The following RPS6KA3 variants were observed in gnomAD, a reference collection of about 807,000 sequenced individuals.
RPS6KA3 encodes ribosomal protein S6 kinase A3.
Under a neutral mutation model 67.2 loss-of-function variants are expected in RPS6KA3, and 4 were observed. The ratio of observed to expected loss-of-function variants is 0.06; its 90% CI spans 0.03 to 0.14. The LOEUF is 0.14. RPS6KA3 is among the 10% of genes least tolerant of loss of function. The pLI is 1.00. For synonymous variants in RPS6KA3, 182 were observed against 183.7 expected (o/e 0.99, Z 0.07); for missense variants, 204 against 559.0 (o/e 0.36, Z 6.40).
chrX:20,177,848 G>A (rs770898478), intron 10 of RPS6KA3, among the ~76,000 whole-genome samples: 2 of 112,389 alleles, frequency 1.8e-5, no homozygotes, highest in South Asian at 7.3e-4. Context: ...CTGAAGGGAA[G>A]GGGAACTGTG....
At chrX:20,196,623 C>A (rs1321640889) in intron 4 of RPS6KA3, among the ~76,000 whole-genome samples, 3 of 111,162 alleles carry the variant, frequency 2.7e-5, no homozygotes, top group Non-Finnish European at 5.7e-5. Flanking sequence ...CTAAAAAATG[C>A]CCTATTTTTT....
intron 2 of RPS6KA3, among the ~76,000 whole-genome samples, chrX:20,226,252 A>C (rs1253343386): frequency 1.8e-5 from 2 of 112,038 alleles, no homozygotes; most frequent in African/African-American, 3.2e-5. Context: ...GCAAATAACA[A>C]AGGGCAAAAG....
chrX:20,252,303 G>A (rs1291733649), intron 1 of RPS6KA3, among the ~76,000 whole-genome samples: 2 of 111,975 alleles, frequency 1.8e-5, no homozygotes, highest in Admixed American at 1.9e-4. Flanking sequence ...GATGATGTGT[G>A]TTGACTGTCT....
At chrX:20,192,504 G>T (rs960388673) in intron 7 of RPS6KA3, among the ~76,000 whole-genome samples, 2 of 104,967 alleles carry the variant, frequency 1.9e-5, no homozygotes, top group African/African-American at 6.9e-5. Context: ...CACAAAAGAA[G>T]ATTGGTAGAT....
Position 20,172,844 on chromosome X carries a change from T to C in RPS6KA3, c.1255A>G (p.Thr419Ala). 6 of 1,205,037 alleles carry C rather than the reference T, an allele frequency of 5.0e-6. No homozygotes were observed. Among genetic ancestry groups the C allele is most frequent in the Non-Finnish European group, 6.7e-6 (6 of 889,343 alleles). ...QQLHRNSIQF[T>A]DGYEVKEDIG... ...TCTTCTTTTACTTCATATCCATCAG[T>C]AAACTGAATACTGTTCCTGTGTAAC... The change falls in exon 15 of 22, where the codon ACT becomes GCT. Residue 419 changes from threonine to alanine, a missense_variant. Thr to Ala is a moderately conservative substitution (Grantham distance 58). Coordinates refer to ENST00000379565, the MANE Select transcript of RPS6KA3 (RefSeq NM_004586.3).
intron 10 of RPS6KA3, among the ~76,000 whole-genome samples, chrX:20,184,038 T>C (rs929584668): frequency 8.9e-6 from 1 of 112,380 alleles, no homozygotes; most frequent in Non-Finnish European, 1.9e-5. Flanking sequence ...CAATTAACTT[T>C]CCTTTTACTT....
intron 1 of RPS6KA3, among the ~76,000 whole-genome samples, chrX:20,254,032 T>G (rs755071921): frequency 8.9e-6 from 1 of 111,913 alleles, no homozygotes; most frequent in African/African-American, 3.2e-5. Flanking sequence ...GATTACTTAA[T>G]ATGAACATCC....
At chrX:20,161,436 A>C (rs775376725) in intron 20 of RPS6KA3, among the ~76,000 whole-genome samples, 19 of 112,225 alleles carry the variant, frequency 1.7e-4, no homozygotes, top group Non-Finnish European at 3.4e-4. Context: ...AGTGAGAAAC[A>C]GTTTTAAAAG....
At chrX:20,212,717 C>T (rs751529442) in intron 2 of RPS6KA3, among the ~76,000 whole-genome samples, 1 of 110,104 alleles carries the variant, frequency 9.1e-6, no homozygotes, top group African/African-American at 3.3e-5. Flanking sequence ...CCAGCCTGGG[C>T]AGCAGAGCAA....
chrX:20,202,999 C>T (rs1015770986), intron 4 of RPS6KA3, among the ~76,000 whole-genome samples: 3 of 111,605 alleles, frequency 2.7e-5, no homozygotes, highest in African/African-American at 9.8e-5. Flanking sequence ...TGGAAGCAAA[C>T]GACAGTGTTT....
chrX:20,188,068 G>GT (rs909778469), intron 8 of RPS6KA3, 98 bp from the exon 9 acceptor site: 56 of 802,422 alleles, frequency 7.0e-5, no homozygotes, highest in Middle Eastern at 7.8e-4. Flanking sequence ...TCTAATACAA[G>GT]TTTTTTTTGT....
At chrX:20,227,683 T>C (rs2148771155) in intron 2 of RPS6KA3, among the ~76,000 whole-genome samples, 1 of 109,173 alleles carries the variant, frequency 9.2e-6, no homozygotes, top group African/African-American at 3.4e-5. Flanking sequence ...TTTGGAAAAT[T>C]GCTTTTTTTT....
chrX:20,262,904 T>A (rs1479853659), intron 1 of RPS6KA3, among the ~76,000 whole-genome samples: 1 of 111,798 alleles, frequency 8.9e-6, no homozygotes, highest in Non-Finnish European at 1.9e-5. Context: ...TACTATAGAA[T>A]ACTACATAAT....
At chrX:20,210,730 T>A (rs1188187504) in intron 2 of RPS6KA3, among the ~76,000 whole-genome samples, 1 of 111,761 alleles carries the variant, frequency 8.9e-6, no homozygotes, top group African/African-American at 3.3e-5. Context: ...GAAACAATAA[T>A]CAAATCATTT....
chrX:20,254,826 AAGACAATAAT>A (rs770451283), intron 1 of RPS6KA3, among the ~76,000 whole-genome samples: 1 of 112,088 alleles, frequency 8.9e-6, no homozygotes, highest in African/African-American at 3.2e-5. Flanking sequence ...TATAGTAAAA[AAGACAATAAT>A]AAGTGATGGC....
At position 20,150,362 on chromosome X, in the gene RPS6KA3, G is replaced by A. The variant is rs935066851; in HGVS notation, c.*5036C>T. The A allele has an allele frequency of 3.7e-5, 4 of 109,279 alleles. No homozygotes were observed. Among genetic ancestry groups the A allele is most frequent in the African/African-American group, 1.3e-4 (4 of 30,403 alleles). 9.0% of individuals were successfully genotyped at this position (109,279 alleles called of 1,213,427 possible). A position where few individuals can be genotyped will look rare whatever the true frequency, so the allele number is the denominator to read the frequency against. ...CCCATTCCCACCCATGACCAAAAAT[G>A]CAAAATAAGTACATCCCTTAGGTGT... On this transcript the variant is annotated 3_prime_UTR_variant, in exon 22 of 22. Transcript: ENST00000379565.
intron 7 of RPS6KA3, among the ~76,000 whole-genome samples, chrX:20,189,773 T>A (rs2068077457): frequency 8.9e-6 from 1 of 112,457 alleles, no homozygotes; most frequent in East Asian, 2.8e-4. Context: ...TAACTAAAAA[T>A]GTGCAAGTCA....
chrX:20,266,644 G>A lies in RPS6KA3; in HGVS notation c.-12C>T, dbSNP rs2070396653. On this transcript the variant is annotated 5_prime_UTR_variant, in exon 1 of 22. Transcript: ENST00000379565. ...TGCGCCAGCGGCATCTTCCCCCCCG[G>A]CCCGCCGCCTTCACCGCCTCCTCCC... 6 of 1,128,569 alleles carry A rather than the reference G, an allele frequency of 5.3e-6. No homozygotes were observed. Among genetic ancestry groups the A allele is most frequent in the Middle Eastern group, 5.7e-4 (2 of 3,499 alleles). 93.0% of individuals were successfully genotyped at this position (1,128,569 alleles called of 1,213,427 possible). A position where few individuals can be genotyped will look rare whatever the true frequency, so the allele number is the denominator to read the frequency against.
intron 5 of RPS6KA3, among the ~76,000 whole-genome samples, chrX:20,194,478 G>A (rs2068220248): frequency 9.0e-6 from 1 of 111,280 alleles, no homozygotes; most frequent in African/African-American, 3.3e-5. Flanking sequence ...ATTTTCAACA[G>A]GCAAGTCACT....
Sources: gnomAD v4.1 joint callset for allele counts (sites outside exome capture counted in the v4.1 genomes callset) on GRCh38, gnomAD v4.1.1 for gene constraint, MANE v1.5 for transcripts, NCBI Gene and HGNC (gene_info 2026-07-23, HGNC 2026-07-21) for gene names.